Variants in CSMD3 observed in about 807,000 individuals in gnomAD.
The protein encoded by CSMD3 is CUB and Sushi multiple domains 3.
A neutral mutation model predicts 435.2 loss-of-function variants in CSMD3; 177 were observed. The ratio of observed to expected loss-of-function variants is 0.41; its 90% CI spans 0.36 to 0.46. The LOEUF is 0.46. CSMD3 is among the 20% of genes least tolerant of loss of function. The pLI is 0.34. For missense variants in CSMD3, 4,265 were observed against 4,504.6 expected, an observed-to-expected ratio of 0.95 and a Z score of 1.52; for synonymous variants, 1,656 against 1,520.5, an observed-to-expected ratio of 1.09 and a Z score of -2.07.
chr8:112,677,605 A>G (rs1028630246), intron 16 of CSMD3, among the ~76,000 whole-genome samples: 1 of 151,308 alleles, frequency 6.6e-6, no homozygotes, highest in Non-Finnish European at 1.5e-5. Flanking sequence ...CAGAATATCA[A>G]TGCAAAGCCA....
rs1316891684 is a variant in CSMD3 at position 112,921,659 on chromosome 8, G to A, written c.1601C>T (p.Ala534Val). ...ITCQRIAEVF[A>V]AWSDHRPVCK... is the part of the protein sequence containing the mutation. Reference sequence around the variant, plus strand: ...CACAGGCCTGTGATCACTCCAAGCAGCAAAAACTTCAGCTATCCGTTGACA... The same window carrying A: ...CACAGGCCTGTGATCACTCCAAGCAACAAAAACTTCAGCTATCCGTTGACA... The change falls in exon 10 of 71, where the codon GCT (alanine) becomes GTT (valine). Residue 534 changes from alanine to valine, a missense_variant. By Grantham distance (64) the Ala-to-Val change is moderately conservative. Transcript: ENST00000297405. 4 of 1,612,620 alleles carry A rather than the reference G, an allele frequency of 2.5e-6. No individual in the cohort carries two copies. Among genetic ancestry groups the A allele is most frequent in the South Asian group, 1.1e-5 (1 of 91,040 alleles).
At position 112,377,044 on chromosome 8, in the gene CSMD3, T is replaced by G. The variant is rs569815047; in HGVS notation, c.6136+3308A>C. 1.4e-4 allele frequency among the ~76,000 whole-genome samples: 21 copies of G among 152,218 alleles called. 1 individual carries two copies. Among genetic ancestry groups the G allele is most frequent in the Middle Eastern group, 3.4e-3 (1 of 294 alleles). ...AATCTATTTTTATGATGAAAAGTTT[T>G]GCAGGAATTTGGGAGATGAATGTAC... On this transcript the variant is annotated intron_variant, in intron 38 of 70. Transcript: ENST00000297405.
chr8:112,269,825 C>A (rs949577798), intron 59 of CSMD3, among the ~76,000 whole-genome samples: 1 of 152,122 alleles, frequency 6.6e-6, no homozygotes, highest in Non-Finnish European at 1.5e-5. Flanking sequence ...ATATCTTTTT[C>A]TTCTAGTTTG....
intron 3 of CSMD3, among the ~76,000 whole-genome samples, chr8:113,255,078 G>A (rs752473209): frequency 3.3e-5 from 5 of 152,064 alleles, no homozygotes; most frequent in East Asian, 1.9e-4. Flanking sequence ...ATTCACATAC[G>A]TTCACGCATT....
chr8:112,979,408 C>G (rs1044893466), intron 6 of CSMD3, among the ~76,000 whole-genome samples: 1 of 151,466 alleles, frequency 6.6e-6, no homozygotes, highest in Non-Finnish European at 1.5e-5. Context: ...GTTTGAAATA[C>G]TGATATTGGT....
chr8:112,933,383 C>T (rs1324585161), intron 9 of CSMD3, among the ~76,000 whole-genome samples: 1 of 152,100 alleles, frequency 6.6e-6, no homozygotes, highest in African/African-American at 2.4e-5. Context: ...AAATTTTACA[C>T]CGAATTGTAA....
intron 3 of CSMD3, among the ~76,000 whole-genome samples, chr8:113,197,910 G>T (rs1418341103): frequency 2.6e-5 from 4 of 151,136 alleles, no homozygotes; most frequent in African/African-American, 9.7e-5. Flanking sequence ...TATATAAAAT[G>T]CTTACCATAA....
intron 6 of CSMD3, 94 bp from the exon 7 acceptor site, chr8:112,976,242 A>G: frequency 7.2e-7 from 1 of 1,393,908 alleles, no homozygotes; most frequent in Non-Finnish European, 9.9e-7. Flanking sequence ...CTCTTCTATT[A>G]CCTTAAGGAT....
intron 1 of CSMD3, among the ~76,000 whole-genome samples, chr8:113,363,559 A>G (rs553307234): frequency 6.6e-6 from 1 of 151,912 alleles, no homozygotes; most frequent in African/African-American, 2.4e-5. Flanking sequence ...GAGTTCCCTA[A>G]CTCTTCTAGT....
At chr8:112,634,060 T>C (rs1235387760) in intron 22 of CSMD3, among the ~76,000 whole-genome samples, 3 of 151,982 alleles carry the variant, frequency 2.0e-5, no homozygotes, top group Non-Finnish European at 4.4e-5. Context: ...GAAGACTAAA[T>C]AATGATTTTT....
At chr8:113,039,707 G>A (rs1003153886) in intron 5 of CSMD3, among the ~76,000 whole-genome samples, 1 of 152,156 alleles carries the variant, frequency 6.6e-6, no homozygotes, top group East Asian at 1.9e-4. Context: ...AACAAAAATT[G>A]TATCAGGACT....
At chr8:113,140,740 T>TA (rs1374600876) in intron 4 of CSMD3, among the ~76,000 whole-genome samples, 1 of 150,558 alleles carries the variant, frequency 6.6e-6, no homozygotes, top group Non-Finnish European at 1.5e-5. Context: ...TCTAAGAAAA[T>TA]ATGTTGGGCA....
At position 112,458,215 on chromosome 8, in the gene CSMD3, C is replaced by A. The variant is rs5004570; in HGVS notation, c.5395+14376G>T. Among the ~76,000 whole-genome samples the A allele has an allele frequency of 6.4e-4, 97 of 150,788 alleles. 1 individual carries two copies. Among genetic ancestry groups the A allele is most frequent in the Admixed American group, 2.1e-3 (31 of 15,088 alleles). On this transcript the variant is annotated intron_variant, in intron 32 of 70. Transcript: ENST00000297405. ...TACGTACACACACACACACTCACAC[C>A]CACACACACACAGAGAAACAGAGAT...
At chr8:113,310,606 T>C (rs2093860109) in intron 2 of CSMD3, 1 of 151,826 alleles carries the variant, frequency 6.6e-6, no homozygotes, top group Non-Finnish European at 1.5e-5. Flanking sequence ...AAAAATCAGA[T>C]ATATGTAAAT....
chr8:112,826,814 G>T (rs539570008), intron 12 of CSMD3, among the ~76,000 whole-genome samples: 1 of 152,134 alleles, frequency 6.6e-6, no homozygotes, highest in Non-Finnish European at 1.5e-5. Context: ...TGAAGATGCA[G>T]TTCTCATTGG....
intron 69 of CSMD3, among the ~76,000 whole-genome samples, chr8:112,231,012 T>C (rs1332557472): frequency 6.6e-6 from 1 of 151,948 alleles, no homozygotes; most frequent in Non-Finnish European, 1.5e-5. Flanking sequence ...TATAGAAGAG[T>C]TGGAAATAAA....
rs1185360534 is a variant in CSMD3 at position 112,291,609 on chromosome 8, C to A, written c.8875G>T (p.Val2959Leu). ...TATCCAGGATTGCAGTCATAGAATA[C>A]CACAGTGCCGTAAGTAAAATTTCCA... ...EHGNFTYGTV[V>L]FYDCNPGYFL... is the part of the protein sequence containing the mutation. The change falls in exon 56 of 71, where the codon GTA becomes TTA. Residue 2959 changes from valine (V) to leucine (L), a missense_variant. By Grantham distance (32) the Val-to-Leu change is conservative. Around this residue, in one of 3 missense-constraint regions of CSMD3, gnomAD observed 3,255 missense variants for 3,380.2 expected, o/e 0.96. Transcript: ENST00000297405. 12 of 1,610,394 alleles carry A rather than the reference C, an allele frequency of 7.5e-6. No homozygotes were observed. Among genetic ancestry groups the A allele is most frequent in the Non-Finnish European group, 1.0e-5 (12 of 1,177,022 alleles).
chr8:113,338,299 G>A (rs2094092319), intron 1 of CSMD3, among the ~76,000 whole-genome samples: 1 of 151,802 alleles, frequency 6.6e-6, no homozygotes, highest in Non-Finnish European at 1.5e-5. Context: ...AATGTAAGAT[G>A]GTGCAGCCAA....
At chr8:113,294,928 G>T in intron 2 of CSMD3, among the ~76,000 whole-genome samples, 1 of 152,076 alleles carries the variant, frequency 6.6e-6, no homozygotes, top group East Asian at 1.9e-4. Context: ...AACATCATGT[G>T]GGTGTCATGT....
Sources: gnomAD v4.1 joint callset for allele counts (sites outside exome capture counted in the v4.1 genomes callset) on GRCh38, gnomAD v4.1.1 for gene constraint, gnomAD v4.1.1 regional missense constraint, MANE v1.5 for transcripts, NCBI Gene and HGNC (gene_info 2026-07-23, HGNC 2026-07-21) for gene names.